DST: variants seen among roughly 807,000 people sequenced by gnomAD.
DST encodes bullous pemphigoid antigen.
DST carries 253 observed loss-of-function variants against 875.2 expected under a neutral mutation model. The ratio of observed to expected loss-of-function variants is 0.29; its 90% CI spans 0.26 to 0.32. The LOEUF is 0.32. Among genes scored for constraint, DST ranks in the 10% least tolerant of loss-of-function variants. The pLI is 1.00. For missense variants in DST, 8,287 were observed against 9,111.6 expected (o/e 0.91, Z 3.68); for synonymous variants, 3,124 against 3,197.1 (o/e 0.98, Z 0.77).
chr6:56,555,954 A>G (rs1264088780), intron 59 of DST, 114 bp from the exon 60 acceptor site: 19 of 1,117,440 alleles, frequency 1.7e-5, no homozygotes, highest in Non-Finnish European at 1.9e-5. Flanking sequence ...TTTGTTTTTT[A>G]GTTATCACTT....
chr6:56,954,389 C>T lies in DST; in HGVS notation c.181+18G>A. On this transcript the variant is annotated intron_variant, in intron 1 of 103. Coordinates refer to ENST00000680361, the MANE Select transcript of DST (RefSeq NM_001374736.1). ...TTGTTCCTGGTAGCCCGCAGAAACC[C>T]GTCGCGGCGTGTCTTACCTCGGCTT... 1 of 1,360,838 alleles carries T rather than the reference C, an allele frequency of 7.3e-7. No individual in the cohort carries two copies. The highest frequency in any genetic ancestry group is 9.8e-7 in the Non-Finnish European group (1 of 1,018,672). 84.3% of individuals were successfully genotyped at this position (1,360,838 alleles called of 1,614,324 possible).
At chr6:56,810,197 C>T in intron 4 of DST, among the ~76,000 whole-genome samples, 1 of 152,104 alleles carries the variant, frequency 6.6e-6, no homozygotes, top group East Asian at 1.9e-4. Flanking sequence ...CACGTTCCAG[C>T]TACTTGGAAG....
At position 56,561,327 on chromosome 6, in the gene DST, G is replaced by A. The variant is rs1664409134; in HGVS notation, c.14291C>T (p.Thr4764Ile). ...ATATACCTTATTCTGCTCAACTTGA[G>A]TCTTCACAGCTTCAGTATCTGTAGG... ...PAPTDTEAVKTQVEQNKSFEA... is the reference protein window; with the variant it reads ...PAPTDTEAVKIQVEQNKSFEA... Residue 4764 changes from threonine to isoleucine, a missense_variant, in exon 57 of 104, where the codon ACT becomes ATT. By Grantham distance (89) the Thr-to-Ile change is moderately conservative (BLOSUM62 -1). Transcript: ENST00000680361. 6.2e-7 allele frequency: 1 copy of A among 1,613,314 alleles called. No individual in the cohort carries two copies. Among genetic ancestry groups the A allele is most frequent in the Non-Finnish European group, 8.5e-7 (1 of 1,179,566 alleles).
rs372481277 is a variant in DST, at chr6:56,854,937, T to C, written c.418-3333A>G. Among the ~76,000 whole-genome samples the C allele has an allele frequency of 1.6e-4, 24 of 152,304 alleles. No individual in the cohort carries two copies. In the East Asian group the frequency reaches 4.0e-3, roughly 26 times the overall value. Reference sequence around the variant, plus strand: ...AGACCCCAATTCACACCATCATTTGTCATCCCCATTTGGCATGTATGCTGA... The same window carrying C: ...AGACCCCAATTCACACCATCATTTGCCATCCCCATTTGGCATGTATGCTGA... On this transcript the variant is annotated intron_variant, in intron 3 of 103. Coordinates refer to ENST00000680361, the MANE Select transcript of DST (RefSeq NM_001374736.1).
intron 4 of DST, among the ~76,000 whole-genome samples, chr6:56,793,222 T>C (rs1564206090): frequency 6.6e-6 from 1 of 152,096 alleles, no homozygotes; most frequent in Non-Finnish European, 1.5e-5. Context: ...TATTGTATGT[T>C]AGATGGTATC....
intron 49 of DST, among the ~76,000 whole-genome samples, chr6:56,583,713 G>A (rs1376383464): frequency 1.3e-5 from 2 of 152,078 alleles, no homozygotes; most frequent in Non-Finnish European, 2.9e-5. Flanking sequence ...TTTCTTCTAG[G>A]GTTTTTATGG....
chr6:56,640,715 C>T (rs1237205182), intron 17 of DST, 110 bp from the exon 18 acceptor site: 21 of 909,322 alleles, frequency 2.3e-5, no homozygotes, highest in Non-Finnish European at 3.3e-5. Flanking sequence ...TCAATGTTGG[C>T]TTATCAGTTT....
intron 47 of DST, among the ~76,000 whole-genome samples, chr6:56,597,274 G>A (rs1389221035): frequency 6.6e-6 from 1 of 151,698 alleles, no homozygotes; most frequent in East Asian, 1.9e-4. Flanking sequence ...TTAGAACACA[G>A]ATTCAGACTT....
chr6:56,649,994 A>C (rs1394971563), intron 12 of DST, among the ~76,000 whole-genome samples: 2 of 152,196 alleles, frequency 1.3e-5, no homozygotes, highest in Non-Finnish European at 2.9e-5. Context: ...AGCAACGCTC[A>C]ACATTGAATC....
chr6:56,626,587 T>C (rs1459488478), intron 34 of DST, among the ~76,000 whole-genome samples: 2 of 152,164 alleles, frequency 1.3e-5, no homozygotes, highest in African/African-American at 4.8e-5. Flanking sequence ...TAACAACGCA[T>C]TTCTCGGAAT....
intron 2 of DST, among the ~76,000 whole-genome samples, chr6:56,929,184 T>C (rs1421973645): frequency 2.0e-5 from 3 of 152,098 alleles, no homozygotes; most frequent in Non-Finnish European, 2.9e-5. Flanking sequence ...AAAATCAAAA[T>C]ATGTAAATAT....
chr6:56,504,538 A>G (rs1382612522), intron 77 of DST, among the ~76,000 whole-genome samples: 2 of 152,142 alleles, frequency 1.3e-5, no homozygotes, highest in Admixed American at 6.6e-5. Context: ...AAACCCTTAC[A>G]TATTATTTAG....
intron 10 of DST, among the ~76,000 whole-genome samples, chr6:56,654,063 C>T (rs898482137): frequency 1.3e-5 from 2 of 152,146 alleles, no homozygotes; most frequent in Non-Finnish European, 2.9e-5. Flanking sequence ...ACCATGTTCT[C>T]ATGTTATATT....
rs142167855 is a variant in DST at position 56,828,188 on chromosome 6, G to A, written c.625+23209C>T. 4.0e-3 allele frequency among the ~76,000 whole-genome samples: 610 copies of A among 152,276 alleles called. 1 individual carries two copies. The highest frequency in any genetic ancestry group is 6.4e-3 in the Non-Finnish European group (436 of 68,018). On this transcript the variant is annotated intron_variant, in intron 4 of 103. Transcript: ENST00000680361. ...TCAGTGGCCTAGATCTGCCTCCCCG[G>A]AGCCTGGATCTTATAGTTAACTAGG...
intron 95 of DST, 62 bp from the exon 96 acceptor site, chr6:56,470,344 T>C (rs1056836428): frequency 1.5e-5 from 20 of 1,366,774 alleles, no homozygotes; most frequent in African/African-American, 1.4e-4. Flanking sequence ...ACATTCTCAA[T>C]TGCACATTTC....
chr6:56,870,431 C>CAAAAAA (rs34119606), intron 3 of DST, among the ~76,000 whole-genome samples: 6 of 51,324 alleles, frequency 1.2e-4, no homozygotes, highest in East Asian at 4.8e-4. Context: ...CTTGCAACTG[C>CAAAAAA]AAAAAAAAAA....
At chr6:56,510,179 C>T (rs1424209705) in intron 73 of DST, among the ~76,000 whole-genome samples, 2 of 152,132 alleles carry the variant, frequency 1.3e-5, no homozygotes, top group South Asian at 2.1e-4. Context: ...GACATGGCAG[C>T]AATGTCTCTT....
intron 4 of DST, 90 bp from the exon 5 acceptor site, chr6:56,735,379 T>C (rs1393161917): frequency 4.8e-6 from 4 of 825,030 alleles, no homozygotes; most frequent in Non-Finnish European, 7.7e-6. Flanking sequence ...AAATGAGATA[T>C]TTAAAAGATA....
At chr6:56,910,133 G>A (rs916572754) in intron 2 of DST, among the ~76,000 whole-genome samples, 4 of 152,154 alleles carry the variant, frequency 2.6e-5, no homozygotes, top group African/African-American at 9.7e-5. Flanking sequence ...CAAAGAGTCT[G>A]TTTTGGAAAA....
Sources: gnomAD v4.1 joint callset for allele counts (sites outside exome capture counted in the v4.1 genomes callset) on GRCh38, gnomAD v4.1.1 for gene constraint, MANE v1.5 for transcripts, NCBI Gene and HGNC (gene_info 2026-07-23, HGNC 2026-07-21) for gene names.